HTR7: variants seen among roughly 807,000 people sequenced by gnomAD.
The protein encoded by HTR7 is 5-hydroxytryptamine receptor 7, also known as 5-HT-7.
HTR7 carries 16 observed loss-of-function variants against 34.0 expected under a neutral mutation model. The ratio of observed to expected loss-of-function variants is 0.47; its 90% CI spans 0.32 to 0.71. The LOEUF (loss-of-function observed/expected upper bound fraction) is 0.71. Ranked by LOEUF, HTR7 falls within the 30% of genes least tolerant of loss-of-function variation. HTR7 has a pLI of 0.04. For synonymous variants in HTR7, 265 were observed against 260.2 expected, an observed-to-expected ratio of 1.02 and a Z score of -0.18; for missense variants, 504 against 625.5, an observed-to-expected ratio of 0.81 and a Z score of 2.07.
At chr10:90,852,046 G>A (rs142123009) in intron 1 of HTR7, among the ~76,000 whole-genome samples, 76 of 152,030 alleles carry the variant, frequency 5.0e-4, no homozygotes, top group African/African-American at 1.8e-3. Flanking sequence ...CATGAGAACA[G>A]ACTAATACAT....
chr10:90,806,835 C>A (rs1162895284), intron 1 of HTR7, among the ~76,000 whole-genome samples: 1 of 151,980 alleles, frequency 6.6e-6, no homozygotes, highest in Admixed American at 6.5e-5. Flanking sequence ...TTGGCCAAAC[C>A]AAGTTCTGAT....
At chr10:90,760,654 T>C (rs539069692) in intron 1 of HTR7, among the ~76,000 whole-genome samples, 44 of 152,224 alleles carry the variant, frequency 2.9e-4, no homozygotes, top group Non-Finnish European at 5.0e-4. Flanking sequence ...CCAAGGCAAG[T>C]GGATCAGCTG....
intron 1 of HTR7, among the ~76,000 whole-genome samples, chr10:90,799,702 T>C (rs1845595962): frequency 6.6e-6 from 1 of 152,172 alleles, no homozygotes; most frequent in African/African-American, 2.4e-5. Flanking sequence ...GGCAAACAGC[T>C]GCTGTTCCAA....
At chr10:90,818,091 T>G (rs1845923854) in intron 1 of HTR7, among the ~76,000 whole-genome samples, 2 of 152,186 alleles carry the variant, frequency 1.3e-5, no homozygotes, top group South Asian at 4.1e-4. Context: ...TTTTGGGGGT[T>G]GCTGTGGTTT....
chr10:90,740,979 G>A lies in HTR7; in HGVS notation c.*1503C>T, dbSNP rs190768011. On this transcript the variant is annotated 3_prime_UTR_variant, in exon 4 of 4. Coordinates refer to ENST00000336152, the MANE Select transcript of HTR7 (RefSeq NM_019859.4). Reference sequence around the variant, plus strand: ...TATACGGTCACTTCAGCAAATTTGCGGTTCAGGAATTTGTACAAGCTTTGT... The same window carrying A: ...TATACGGTCACTTCAGCAAATTTGCAGTTCAGGAATTTGTACAAGCTTTGT... The A allele has an allele frequency of 3.3e-5, 5 of 152,410 alleles. No homozygotes were observed. The highest frequency in any genetic ancestry group is 9.6e-5 in the African/African-American group (4 of 41,462). The allele number at this position is 152,410 out of a possible 1,614,324, so 9.4% of individuals were successfully genotyped here. A position where few individuals can be genotyped will look rare whatever the true frequency, so the allele number is the denominator to read the frequency against.
In HTR7 at chr10:90,857,595, C is replaced by T; in HGVS notation, c.77G>A (p.Arg26His). 6.3e-7 allele frequency: 1 copy of T among 1,596,134 alleles called. No individual in the cohort carries two copies. The highest frequency in any genetic ancestry group is 2.3e-5 in the East Asian group (1 of 44,078). The change falls in exon 1 of 4, where the codon CGC becomes CAC. Residue 26 changes from arginine (R) to histidine (H), a missense_variant. Transcript: ENST00000336152. The surrounding 1 kb of genome is among the most constrained non-coding windows in gnomAD (Gnocchi z 6.5). ...LRSFLLPEVG[R>H]GLPDLSPDGG... ...GTCGGGGCTCAAGTCGGGCAGCCCG[C>T]GCCCCACTTCTGGCAGAAGGAAAGA... is the stretch of plus-strand genomic sequence containing the variant.
At chr10:90,772,440 C>T (rs1415961911) in intron 1 of HTR7, among the ~76,000 whole-genome samples, 2 of 152,104 alleles carry the variant, frequency 1.3e-5, no homozygotes, top group Non-Finnish European at 2.9e-5. Flanking sequence ...TTCTACCTCT[C>T]CCATTTAACA....
chr10:90,744,711 T>A (rs1170011472), intron 2 of HTR7, among the ~76,000 whole-genome samples: 2 of 152,026 alleles, frequency 1.3e-5, no homozygotes, highest in African/African-American at 4.8e-5. Flanking sequence ...AATGGCCAAA[T>A]GGCTACAGAG....
intron 1 of HTR7, among the ~76,000 whole-genome samples, chr10:90,842,268 T>G (rs1182078812): frequency 6.6e-6 from 1 of 152,196 alleles, no homozygotes; most frequent in African/African-American, 2.4e-5. Context: ...CAAGGCACCA[T>G]CTTGCAAGCA....
intron 1 of HTR7, among the ~76,000 whole-genome samples, chr10:90,796,872 T>C (rs1358277765): frequency 6.6e-6 from 1 of 151,828 alleles, no homozygotes; most frequent in Admixed American, 6.6e-5. Flanking sequence ...ATTAGCCGGA[T>C]GTGGTGGCAG....
chr10:90,776,886 A>AG (rs35731601), intron 1 of HTR7, among the ~76,000 whole-genome samples: 35,004 of 152,064 alleles, frequency 0.23, 4,264 homozygotes, highest in African/African-American at 0.31. Context: ...ACATACAGAG[A>AG]GGCAAAGGAA....
intron 1 of HTR7, among the ~76,000 whole-genome samples, chr10:90,799,714 C>G (rs1195630647): frequency 6.6e-6 from 1 of 152,106 alleles, no homozygotes; most frequent in Non-Finnish European, 1.5e-5. Context: ...CTGTTCCAAG[C>G]TCCTGAGGGT....
chr10:90,780,895 C>T (rs1267338931), intron 1 of HTR7, among the ~76,000 whole-genome samples: 1 of 152,208 alleles, frequency 6.6e-6, no homozygotes, highest in African/African-American at 2.4e-5. Context: ...TAGTTTCCTA[C>T]CCTTCCTAAG....
intron 1 of HTR7, among the ~76,000 whole-genome samples, chr10:90,773,393 G>A (rs865884946): frequency 3.3e-5 from 5 of 152,024 alleles, no homozygotes; most frequent in Non-Finnish European, 7.4e-5. Flanking sequence ...ATACAGACAT[G>A]CAATGTATAA....
intron 1 of HTR7, among the ~76,000 whole-genome samples, chr10:90,847,713 G>A (rs541600159): frequency 3.9e-5 from 6 of 152,326 alleles, no homozygotes; most frequent in African/African-American, 1.2e-4. Flanking sequence ...ATGAGTTCCT[G>A]TAACCATGAA....
At chr10:90,836,673 G>T (rs1846257565) in intron 1 of HTR7, among the ~76,000 whole-genome samples, 1 of 150,976 alleles carries the variant, frequency 6.6e-6, no homozygotes, top group Admixed American at 6.6e-5. Flanking sequence ...CACCACACCA[G>T]AATTTTTTTT....
chr10:90,802,290 A>G (rs543980844), intron 1 of HTR7, among the ~76,000 whole-genome samples: 113 of 152,366 alleles, frequency 7.4e-4, no homozygotes, highest in Non-Finnish European at 1.1e-3. Flanking sequence ...TCCAAGACAC[A>G]TAATATTTTA....
At chr10:90,820,973 G>A (rs1054257513) in intron 1 of HTR7, among the ~76,000 whole-genome samples, 4 of 152,110 alleles carry the variant, frequency 2.6e-5, no homozygotes, top group Non-Finnish European at 5.9e-5. Flanking sequence ...GGAAATTGAG[G>A]CTCATGTGGA....
At chr10:90,746,164 A>C (rs1351717748) in intron 2 of HTR7, among the ~76,000 whole-genome samples, 1 of 152,168 alleles carries the variant, frequency 6.6e-6, no homozygotes, top group Non-Finnish European at 1.5e-5. Flanking sequence ...AAATGAAGAA[A>C]ACTAACCTAT....
Sources: allele counts gnomAD v4.1 joint callset (sites outside exome capture counted in the v4.1 genomes callset), GRCh38; gene constraint gnomAD v4.1.1; non-coding constraint Gnocchi (gnomAD v3.1); transcripts MANE v1.5; gene names NCBI Gene and HGNC (gene_info 2026-07-23, HGNC 2026-07-21).